The following NKAIN2 variants were observed in gnomAD, a reference collection of about 807,000 sequenced individuals.
NKAIN2 encodes the protein sodium/potassium-transporting ATPase subunit beta-1-interacting protein 2.
Under a neutral mutation model 32.6 loss-of-function variants are expected in NKAIN2, and 14 were observed. The ratio of observed to expected loss-of-function variants is 0.43; its 90% confidence interval spans 0.28 to 0.67. The LOEUF (loss-of-function observed/expected upper bound fraction) is 0.67, where lower values mean the gene tolerates loss of function less well. NKAIN2 is among the 30% of genes least tolerant of loss of function. The probability of loss-of-function intolerance (pLI) is 0.17; values close to 1 mark genes in which losing one functional copy is unlikely to be tolerated. For missense variants in NKAIN2, 198 were observed against 258.3 expected, an observed-to-expected ratio of 0.77 and a Z score of 1.60; for synonymous variants, 80 against 87.2, an observed-to-expected ratio of 0.92 and a Z score of 0.46.
chr6:124,711,803 C>A (rs1266062222), intron 4 of NKAIN2, among the ~76,000 whole-genome samples: 1 of 152,142 alleles, frequency 6.6e-6, no homozygotes, highest in South Asian at 2.1e-4. Context: ...TTGTCTGAAG[C>A]CTTCTTCTCT....
intron 2 of NKAIN2, among the ~76,000 whole-genome samples, chr6:124,292,586 C>T: frequency 6.6e-6 from 1 of 151,206 alleles, no homozygotes; most frequent in Non-Finnish European, 1.5e-5. Flanking sequence ...GGAAGGCAAC[C>T]CCATAGGTTT....
intron 1 of NKAIN2, among the ~76,000 whole-genome samples, chr6:124,188,127 C>T (rs2114575185): frequency 6.6e-6 from 1 of 152,206 alleles, no homozygotes; most frequent in African/African-American, 2.4e-5. Context: ...AGTTCTAGAG[C>T]TCAGGAGAAA....
chr6:124,235,604 T>TG (rs998009165), intron 1 of NKAIN2, among the ~76,000 whole-genome samples: 1 of 28,126 alleles, frequency 3.6e-5, no homozygotes, highest in Non-Finnish European at 1.7e-4. Flanking sequence ...TTTTTGTTGT[T>TG]TTTTTTTTTC....
chr6:124,671,750 G>GT (rs1773111504), intron 4 of NKAIN2, among the ~76,000 whole-genome samples: 2 of 151,836 alleles, frequency 1.3e-5, no homozygotes, highest in African/African-American at 4.8e-5. Flanking sequence ...TAGGTACTTG[G>GT]TTTTTTCTTG....
intron 1 of NKAIN2, among the ~76,000 whole-genome samples, chr6:124,252,426 T>C (rs2114812385): frequency 6.6e-6 from 1 of 152,112 alleles, no homozygotes; most frequent in East Asian, 1.9e-4. Flanking sequence ...TTAATACAAA[T>C]TTCAGGATCA....
chr6:124,160,180 A>G (rs1788198891), intron 1 of NKAIN2, among the ~76,000 whole-genome samples: 1 of 152,160 alleles, frequency 6.6e-6, no homozygotes, highest in African/African-American at 2.4e-5. Flanking sequence ...ATCTACAGTG[A>G]AAAAGGGACA....
intron 1 of NKAIN2, among the ~76,000 whole-genome samples, chr6:124,278,293 T>C (rs192346469): frequency 6.6e-6 from 1 of 152,124 alleles, no homozygotes; most frequent in East Asian, 1.9e-4. Flanking sequence ...TAAAGCTTAG[T>C]TTAACAAAGT....
chr6:123,886,442 G>A (rs1480415634), intron 1 of NKAIN2, among the ~76,000 whole-genome samples: 1 of 152,082 alleles, frequency 6.6e-6, no homozygotes, highest in Non-Finnish European at 1.5e-5. Flanking sequence ...ATATACCTTA[G>A]TATCTAAGTC....
chr6:124,046,685 G>A (rs1001366165), intron 1 of NKAIN2, among the ~76,000 whole-genome samples: 1 of 151,970 alleles, frequency 6.6e-6, no homozygotes, highest in Non-Finnish European at 1.5e-5. Flanking sequence ...TCTGCTACCT[G>A]AGTATGAGAA....
At chr6:124,649,756 T>TA (rs1214422999) in intron 3 of NKAIN2, among the ~76,000 whole-genome samples, 7 of 152,072 alleles carry the variant, frequency 4.6e-5, no homozygotes, top group Non-Finnish European at 7.4e-5. Context: ...AGAGAATGTA[T>TA]AAAAAAAATT....
chr6:124,174,374 G>A (rs867194851), intron 1 of NKAIN2, among the ~76,000 whole-genome samples: 1 of 152,058 alleles, frequency 6.6e-6, no homozygotes, highest in Non-Finnish European at 1.5e-5. Context: ...TAAATAAAAG[G>A]CACACTTCTG....
At chr6:124,481,326 A>G (rs1429045577) in intron 3 of NKAIN2, among the ~76,000 whole-genome samples, 1 of 152,070 alleles carries the variant, frequency 6.6e-6, no homozygotes, top group Non-Finnish European at 1.5e-5. Context: ...CAGATGCTAC[A>G]TTATTTTTTT....
chr6:124,382,876 A>G (rs1772708965), intron 3 of NKAIN2, among the ~76,000 whole-genome samples: 1 of 152,146 alleles, frequency 6.6e-6, no homozygotes, highest in African/African-American at 2.4e-5. Flanking sequence ...ACAAAATTAC[A>G]TCCGTTACCA....
At chr6:124,583,749 G>T (rs999446345) in intron 3 of NKAIN2, among the ~76,000 whole-genome samples, 5 of 152,072 alleles carry the variant, frequency 3.3e-5, no homozygotes, top group Non-Finnish European at 5.9e-5. Flanking sequence ...TTATACTACA[G>T]AGCTAATAGT....
intron 4 of NKAIN2, among the ~76,000 whole-genome samples, chr6:124,671,788 T>C (rs545465769): frequency 2.2e-4 from 33 of 152,142 alleles, no homozygotes; most frequent in African/African-American, 7.5e-4. Context: ...GTTCTCTTAA[T>C]GGCTATTGAT....
At chr6:124,331,650 G>T (rs552275313) in intron 2 of NKAIN2, among the ~76,000 whole-genome samples, 1 of 151,678 alleles carries the variant, frequency 6.6e-6, no homozygotes, top group South Asian at 2.1e-4. Flanking sequence ...CCTCACATTT[G>T]CTTACCTTGT....
intron 1 of NKAIN2, among the ~76,000 whole-genome samples, chr6:124,129,727 C>T (rs1786358979): frequency 6.6e-6 from 1 of 152,090 alleles, no homozygotes; most frequent in African/African-American, 2.4e-5. Flanking sequence ...AAGAGATTCT[C>T]CTGCCTCAGC....
chr6:124,443,776 A>G (rs1181763236), intron 3 of NKAIN2, among the ~76,000 whole-genome samples: 2 of 152,132 alleles, frequency 1.3e-5, no homozygotes, highest in African/African-American at 4.8e-5. Flanking sequence ...TCCACTATAC[A>G]GTCATGACTA....
intron 3 of NKAIN2, among the ~76,000 whole-genome samples, chr6:124,417,736 T>C (rs1311924718): frequency 2.0e-5 from 3 of 152,196 alleles, no homozygotes; most frequent in African/African-American, 7.2e-5. Context: ...AAGTGAACAA[T>C]GCTGTTTCCT....
Sources: gnomAD v4.1 joint callset for allele counts (sites outside exome capture counted in the v4.1 genomes callset) on GRCh38, gnomAD v4.1.1 for gene constraint, MANE v1.5 for transcripts, NCBI Gene and HGNC (gene_info 2026-07-23, HGNC 2026-07-21) for gene names.